The following TRAPPC3L variants were observed in gnomAD, a reference collection of about 807,000 sequenced individuals.
TRAPPC3L encodes the protein trafficking protein particle complex subunit 3L.
TRAPPC3L carries 23 observed loss-of-function variants against 23.7 expected under a neutral mutation model. That is an observed-to-expected ratio of 0.97 (90% CI 0.70 to 1.37). The LOEUF is 1.37. Ranked by LOEUF, TRAPPC3L falls within the 40% of genes most tolerant of loss-of-function variation. The pLI, the probability that TRAPPC3L is intolerant of heterozygous loss-of-function variation, is 0.00. For missense variants in TRAPPC3L, 212 were observed against 216.8 expected, an observed-to-expected ratio of 0.98 and a Z score of 0.14; for synonymous variants, 81 against 77.9, an observed-to-expected ratio of 1.04 and a Z score of -0.21.
chr6:116,500,770 C>G (rs1327464269), intron 3 of TRAPPC3L, 104 bp from the exon 4 acceptor site: 4 of 966,538 alleles, frequency 4.1e-6, no homozygotes, highest in Non-Finnish European at 6.2e-6. Flanking sequence ...AATGGTTAAG[C>G]ACATGGAGTC....
At chr6:116,527,390 G>A (rs1772466772) in intron 3 of TRAPPC3L, among the ~76,000 whole-genome samples, 1 of 151,968 alleles carries the variant, frequency 6.6e-6, no homozygotes, top group Non-Finnish European at 1.5e-5. Flanking sequence ...GGTGGCGGGC[G>A]CCTGGTCCCA....
chr6:116,527,480 A>C (rs1317645764), intron 3 of TRAPPC3L, among the ~76,000 whole-genome samples: 1 of 144,040 alleles, frequency 6.9e-6, no homozygotes, highest in African/African-American at 2.6e-5. Flanking sequence ...GAGCCACTGC[A>C]CTCAAGTCTG....
chr6:116,498,625 T>C (rs573723175), intron 4 of TRAPPC3L, among the ~76,000 whole-genome samples: 10 of 152,306 alleles, frequency 6.6e-5, no homozygotes, highest in African/African-American at 2.2e-4. Flanking sequence ...CTATGACAGA[T>C]TGTCTTCTTT....
At chr6:116,539,703 AGACT>A (rs1187372633) in intron 3 of TRAPPC3L, among the ~76,000 whole-genome samples, 1 of 152,166 alleles carries the variant, frequency 6.6e-6, no homozygotes, top group Non-Finnish European at 1.5e-5. Context: ...AAAAAAAATG[AGACT>A]GACTTAATTG....
In TRAPPC3L at chr6:116,496,962, T is replaced by TC; in HGVS notation, c.537dup (p.Lys180GlufsTer24). 1 of 1,544,542 alleles carries TC rather than the reference T, an allele frequency of 6.5e-7. No homozygotes were observed. Among genetic ancestry groups the TC allele is most frequent in the South Asian group, 1.2e-5 (1 of 82,170 alleles). On this transcript the variant is annotated frameshift_variant, in exon 5 of 5. Transcript: ENST00000368602. LOFTEE classifies it high-confidence loss of function. ...ATTTTCCGTGCTAGTCTTCATTTTTTCCCTCTATATTTTTTCTCGTCTCGC... is the reference window on the plus strand; with the variant it reads ...ATTTTCCGTGCTAGTCTTCATTTTTTCCCCTCTATATTTTTTCTCGTCTCGC...
At chr6:116,543,990 A>G (rs1446020768) in intron 1 of TRAPPC3L, 2 of 877,584 alleles carry the variant, frequency 2.3e-6, no homozygotes, top group East Asian at 5.4e-5. Context: ...ACTTAAGACA[A>G]TTTAGGTTTG....
intron 1 of TRAPPC3L, among the ~76,000 whole-genome samples, chr6:116,544,796 CTG>C (rs1773674044): frequency 6.6e-6 from 1 of 151,996 alleles, no homozygotes; most frequent in Non-Finnish European, 1.5e-5. Flanking sequence ...AACACCAAGT[CTG>C]AAATTACTTA....
intron 3 of TRAPPC3L, among the ~76,000 whole-genome samples, chr6:116,530,027 C>A (rs1360934441): frequency 6.6e-6 from 1 of 152,208 alleles, no homozygotes; most frequent in South Asian, 2.1e-4. Flanking sequence ...ATGATGGCAG[C>A]AAAATTCAAG....
At chr6:116,519,125 C>T (rs1772284339) in intron 3 of TRAPPC3L, 1 of 152,230 alleles carries the variant, frequency 6.6e-6, no homozygotes, top group South Asian at 2.1e-4. Context: ...ATAGCAGAGA[C>T]TTTAAAATGT....
chr6:116,496,756 A>G lies in TRAPPC3L; in HGVS notation c.*198T>C, dbSNP rs2115150274. 1 of 652,582 alleles carries G rather than the reference A, an allele frequency of 1.5e-6. No individual in the cohort carries two copies. 40.4% of individuals were successfully genotyped at this position (652,582 alleles called of 1,614,324 possible). Reference sequence around the variant, plus strand: ...TATTTGCATATGAAATTTTGTGGACATGAGATTGAAAATGCGTGATTTATA... The same window carrying G: ...TATTTGCATATGAAATTTTGTGGACGTGAGATTGAAAATGCGTGATTTATA... On this transcript the variant is annotated 3_prime_UTR_variant, in exon 5 of 5. Coordinates refer to ENST00000368602, the MANE Select transcript of TRAPPC3L (RefSeq NM_001139444.3).
intron 3 of TRAPPC3L, chr6:116,512,114 C>T: frequency 6.2e-7 from 1 of 1,614,028 alleles, no homozygotes; most frequent in South Asian, 1.1e-5. Context: ...ACTCCTGGAA[C>T]TGATTTGCAA....
At chr6:116,497,238 C>CACGGGGCGGCT in intron 4 of TRAPPC3L, 165 bp from the exon 5 acceptor site, 1 of 832,522 alleles carries the variant, frequency 1.2e-6, no homozygotes. Context: ...GGAGATGGTC[C>CACGGGGCGGCT]AGCTGTGTGT....
intron 3 of TRAPPC3L, among the ~76,000 whole-genome samples, chr6:116,505,147 G>A (rs989320852): frequency 7.2e-5 from 11 of 152,162 alleles, no homozygotes; most frequent in African/African-American, 2.4e-4. Context: ...ATCTCCTTAA[G>A]CTGATAAGCA....
intron 3 of TRAPPC3L, among the ~76,000 whole-genome samples, chr6:116,528,179 T>C (rs1772504499): frequency 6.6e-6 from 1 of 152,194 alleles, no homozygotes; most frequent in African/African-American, 2.4e-5. Context: ...AAAAATAATA[T>C]TATGCAAATG....
At chr6:116,512,844 T>C (rs2250263) in intron 3 of TRAPPC3L, among the ~76,000 whole-genome samples, 100,705 of 152,062 alleles carry the variant, frequency 0.66, 33,623 homozygotes, top group East Asian at 0.89. Flanking sequence ...AAAAAGTGAC[T>C]GTACTCTCTA....
chr6:116,511,940 G>A (rs1772129593), intron 3 of TRAPPC3L: 2 of 1,613,986 alleles, frequency 1.2e-6, no homozygotes, highest in Non-Finnish European at 1.7e-6. Context: ...AGGCTGCTGT[G>A]TGAATCCCAG....
chr6:116,527,274 T>C (rs1033086643), intron 3 of TRAPPC3L, among the ~76,000 whole-genome samples: 2 of 151,190 alleles, frequency 1.3e-5, no homozygotes, highest in South Asian at 2.1e-4. Flanking sequence ...TCCCAGCACT[T>C]TGGGGGGCCG....
At chr6:116,502,792 G>A (rs1202933442) in intron 3 of TRAPPC3L, among the ~76,000 whole-genome samples, 1 of 152,174 alleles carries the variant, frequency 6.6e-6, no homozygotes, top group Non-Finnish European at 1.5e-5. Context: ...ATAAGTGAAG[G>A]AGAAATAAAA....
chr6:116,530,374 C>T (rs1772623588), intron 3 of TRAPPC3L, among the ~76,000 whole-genome samples: 1 of 152,006 alleles, frequency 6.6e-6, no homozygotes, highest in Admixed American at 6.6e-5. Flanking sequence ...AAAGAAAACA[C>T]ACAGAATGTC....
Sources: allele counts gnomAD v4.1 joint callset (sites outside exome capture counted in the v4.1 genomes callset), GRCh38; gene constraint gnomAD v4.1.1; transcripts MANE v1.5; gene names NCBI Gene and HGNC (gene_info 2026-07-23, HGNC 2026-07-21).